CFAP58: variants seen among roughly 807,000 people sequenced by gnomAD.
The protein encoded by CFAP58 is cilia and flagella associated protein 58, also known as cilia- and flagella-associated protein 58.
A neutral mutation model predicts 119.5 loss-of-function variants in CFAP58; 88 were observed. That is an observed-to-expected ratio of 0.74 (90% CI 0.62 to 0.88). The LOEUF (loss-of-function observed/expected upper bound fraction) is 0.88, where lower values mean the gene tolerates loss of function less well. CFAP58 is among the 40% of genes least tolerant of loss of function. CFAP58 has a pLI of 0.00. For missense variants in CFAP58, 990 were observed against 1,021.2 expected (o/e 0.97, Z 0.42); for synonymous variants, 365 against 366.3 (o/e 1.00, Z 0.04).
At chr10:104,390,389 C>T (rs2012008775) in intron 9 of CFAP58, among the ~76,000 whole-genome samples, 1 of 152,096 alleles carries the variant, frequency 6.6e-6, no homozygotes, top group Admixed American at 6.6e-5. Context: ...TCCCATTTGG[C>T]TAAAAAGTAA....
chr10:104,364,694 A>G, intron 3 of CFAP58, 39 bp from the exon 4 acceptor site: 1 of 1,602,400 alleles, frequency 6.2e-7, no homozygotes, highest in Non-Finnish European at 8.5e-7. Flanking sequence ...CCCTGAGCAG[A>G]TGGCCATTTA....
chr10:104,375,530 C>G (rs914759106), intron 7 of CFAP58, among the ~76,000 whole-genome samples: 2 of 152,062 alleles, frequency 1.3e-5, no homozygotes, highest in East Asian at 3.9e-4. Flanking sequence ...ACCAGCCTGG[C>G]CAACATGGTG....
chr10:104,436,484 A>C (rs2012936418), intron 15 of CFAP58, among the ~76,000 whole-genome samples: 1 of 152,100 alleles, frequency 6.6e-6, no homozygotes, highest in African/African-American at 2.4e-5. Context: ...GCTTCTGGGG[A>C]GGCCTCAGCG....
rs1316468852 is a variant in CFAP58, at chr10:104,438,369, T to C, written c.2257-9329T>C. Among the ~76,000 whole-genome samples the C allele has an allele frequency of 5.5e-5, 7 of 127,998 alleles. No homozygotes were observed. The South Asian group carries it at 7.7e-4, about 14-fold the overall frequency. The allele number at this position is 127,998 out of a possible 152,430, so 84.0% of individuals were successfully genotyped here. ...TTTTGTTTTTTTTTTTTGTTTTTTT[T>C]TTTTGTTTTTTTTTTTTGAGACGGA... On this transcript the variant is annotated intron_variant, in intron 15 of 17. Coordinates refer to ENST00000369704, the MANE Select transcript of CFAP58 (RefSeq NM_001008723.2).
Position 104,426,770 on chromosome 10 carries a change from C to T in CFAP58, c.2256+19977C>T, listed in dbSNP as rs116601650. On this transcript the variant is annotated intron_variant, in intron 15 of 17. Transcript: ENST00000369704. ...GCATGTTGAGAGCTATTGATTTTTGCATACTTGTTTGTATCCAACCTATCA... is the reference window on the plus strand; with the variant it reads ...GCATGTTGAGAGCTATTGATTTTTGTATACTTGTTTGTATCCAACCTATCA... Among the ~76,000 whole-genome samples, 605 of 152,246 alleles carry T rather than the reference C, an allele frequency of 4.0e-3. 3 individuals carry two copies. The highest frequency in any genetic ancestry group is 0.014 in the African/African-American group (583 of 41,544).
At chr10:104,392,006 G>T (rs2012055302) in intron 9 of CFAP58, among the ~76,000 whole-genome samples, 1 of 151,970 alleles carries the variant, frequency 6.6e-6, no homozygotes, top group African/African-American at 2.4e-5. Context: ...AAATAACTGT[G>T]TTAAGCTTTA....
At chr10:104,377,101 CAA>C (rs1410932010) in intron 8 of CFAP58, among the ~76,000 whole-genome samples, 4 of 152,126 alleles carry the variant, frequency 2.6e-5, no homozygotes, top group African/African-American at 7.2e-5. Flanking sequence ...CCTGAGAACA[CAA>C]AAAGACTTTG....
intron 9 of CFAP58, among the ~76,000 whole-genome samples, chr10:104,380,694 C>T (rs1307990317): frequency 2.6e-5 from 4 of 152,170 alleles, no homozygotes; most frequent in Non-Finnish European, 4.4e-5. Context: ...CTAGGTGTGT[C>T]AATATTCAAA....
At chr10:104,437,630 C>T (rs2012956133) in intron 15 of CFAP58, among the ~76,000 whole-genome samples, 1 of 151,636 alleles carries the variant, frequency 6.6e-6, no homozygotes. Context: ...GAATCATGTA[C>T]AAAGGCAATG....
At chr10:104,375,210 T>TG (rs1390813135) in intron 7 of CFAP58, among the ~76,000 whole-genome samples, 1 of 150,552 alleles carries the variant, frequency 6.6e-6, no homozygotes, top group Non-Finnish European at 1.5e-5. Flanking sequence ...GATTCCCTTT[T>TG]GGGGTGTATG....
intron 15 of CFAP58, among the ~76,000 whole-genome samples, chr10:104,441,040 T>C (rs2013028551): frequency 6.6e-6 from 1 of 152,252 alleles, no homozygotes. Context: ...TCTCATTCTG[T>C]CACCCAGGCT....
Position 104,420,482 on chromosome 10 carries a change from A to G in CFAP58, c.2256+13689A>G, listed in dbSNP as rs192146320. On this transcript the variant is annotated intron_variant, in intron 15 of 17. Coordinates refer to ENST00000369704, the MANE Select transcript of CFAP58 (RefSeq NM_001008723.2). ...GTCCAGATCTTCAATTTGGTTAGCA[A>G]GGGTCTTTTTTGTGTTATGTGTTTT... Among the ~76,000 whole-genome samples the G allele has an allele frequency of 2.6e-3, 391 of 152,278 alleles. 1 individual carries two copies. The highest frequency in any genetic ancestry group is 0.01 in the Middle Eastern group (3 of 294).
rs2013258088 is a variant in CFAP58, at chr10:104,455,002, A to G, written c.*472A>G. On this transcript the variant is annotated 3_prime_UTR_variant, in exon 18 of 18. Coordinates refer to ENST00000369704, the MANE Select transcript of CFAP58 (RefSeq NM_001008723.2). Reference sequence around the variant, plus strand: ...AAAAAGTGTTTTGAGAATGATTTCTATATGGAATTTCTTTTCAGGCCCGGA... The same window carrying G: ...AAAAAGTGTTTTGAGAATGATTTCTGTATGGAATTTCTTTTCAGGCCCGGA... The G allele has an allele frequency of 6.6e-6, 1 of 152,390 alleles. No individual in the cohort carries two copies. Among genetic ancestry groups the G allele is most frequent in the Non-Finnish European group, 1.5e-5 (1 of 68,160 alleles). 9.4% of individuals were successfully genotyped at this position (152,390 alleles called of 1,614,324 possible).
chr10:104,415,389 A>G (rs2012535090), intron 15 of CFAP58, among the ~76,000 whole-genome samples: 1 of 152,096 alleles, frequency 6.6e-6, no homozygotes, highest in South Asian at 2.1e-4. Flanking sequence ...AGCGGGTAAA[A>G]TTGTCCATCA....
intron 6 of CFAP58, among the ~76,000 whole-genome samples, chr10:104,369,921 T>A (rs1421606323): frequency 6.6e-6 from 1 of 152,194 alleles, no homozygotes; most frequent in Non-Finnish European, 1.5e-5. Context: ...AAGCTTGAAG[T>A]CTTTAGACAA....
intron 8 of CFAP58, 37 bp from the exon 9 acceptor site, chr10:104,379,992 T>C: frequency 6.3e-7 from 1 of 1,575,744 alleles, no homozygotes; most frequent in Non-Finnish European, 8.6e-7. Flanking sequence ...CCTTGAACAT[T>C]ATGAGTAATG....
At chr10:104,357,858 C>A (rs199626029) in intron 1 of CFAP58, among the ~76,000 whole-genome samples, 1 of 77,430 alleles carries the variant, frequency 1.3e-5, no homozygotes, top group Admixed American at 1.1e-4. Flanking sequence ...CACATATATA[C>A]ACATATATAC....
chr10:104,358,318 C>T (rs753842641), intron 1 of CFAP58, 23 bp from the exon 2 acceptor site: 1 of 1,598,658 alleles, frequency 6.3e-7, no homozygotes. Context: ...TTGCCCTTTC[C>T]CATCCCTGCT....
chr10:104,382,360 A>T, intron 9 of CFAP58: 1 of 552,710 alleles, frequency 1.8e-6, no homozygotes, highest in Non-Finnish European at 3.3e-6. Context: ...ATAAAATGTC[A>T]TCTGTTGCAG....
Sources: allele counts gnomAD v4.1 joint callset (sites outside exome capture counted in the v4.1 genomes callset), GRCh38; gene constraint gnomAD v4.1.1; transcripts MANE v1.5; gene names NCBI Gene and HGNC (gene_info 2026-07-23, HGNC 2026-07-21).